Variants in ZBTB40 observed in about 807,000 individuals in gnomAD.
ZBTB40 encodes zinc finger and BTB domain containing 40, also known as zinc finger and BTB domain-containing protein 40.
Under a neutral mutation model 117.5 loss-of-function variants are expected in ZBTB40, and 60 were observed. The observed-to-expected ratio is 0.51, with a 90% CI of 0.41 to 0.63. The LOEUF (loss-of-function observed/expected upper bound fraction) is 0.63, where lower values mean the gene tolerates loss of function less well. Among genes scored for constraint, ZBTB40 ranks in the 30% least tolerant of loss-of-function variants. The probability of loss-of-function intolerance (pLI) is 0.00; values close to 1 mark genes in which losing one functional copy is unlikely to be tolerated. For synonymous variants in ZBTB40, 525 were observed against 577.1 expected, an observed-to-expected ratio of 0.91 and a Z score of 1.29; for missense variants, 1,287 against 1,498.5, an observed-to-expected ratio of 0.86 and a Z score of 2.33.
At chr1:22,510,143 A>G (rs927748344) in intron 9 of ZBTB40, among the ~76,000 whole-genome samples, 3 of 152,212 alleles carry the variant, frequency 2.0e-5, no homozygotes, top group Non-Finnish European at 4.4e-5. Flanking sequence ...CCAGCCCAGG[A>G]TCATTTGCAT....
chr1:22,525,008 A>G (rs1240913032), intron 17 of ZBTB40, among the ~76,000 whole-genome samples: 1 of 152,188 alleles, frequency 6.6e-6, no homozygotes, highest in African/African-American at 2.4e-5. Context: ...AGGTCCATCC[A>G]TCGTCAGTAA....
chr1:22,441,473 C>CTTTTTTTTTTT (rs71020419), intron 1 of ZBTB40, among the ~76,000 whole-genome samples: 5 of 73,726 alleles, frequency 6.8e-5, no homozygotes, highest in Non-Finnish European at 1.2e-4. Flanking sequence ...TATTTGCTTT[C>CTTTTTTTTTTT]TTTTTTTTTT....
At position 22,513,083 on chromosome 1, in the gene ZBTB40, C is replaced by A. The variant is rs755237608; in HGVS notation, c.2621C>A (p.Thr874Asn). Residue 874 changes from threonine to asparagine, a missense_variant, in exon 12 of 18, where the codon ACC (threonine) becomes AAC (asparagine). Transcript: ENST00000375647. The surrounding 1 kb of genome is among the most constrained non-coding windows in gnomAD (Gnocchi z 4.9). ...TGCAAGCACTGCCTCATGACCTTCA[C>A]CCAGGCCTCCGCCCTGGCCTATCAC... ...FMCKHCLMTF[T>N]QASALAYHTK... 1 of 1,614,204 alleles carries A rather than the reference C, an allele frequency of 6.2e-7. No homozygotes were observed. The highest frequency in any genetic ancestry group is 1.1e-5 in the South Asian group (1 of 91,084).
Position 22,489,912 on chromosome 1 carries a change from G to T in ZBTB40, c.-37G>T. The T allele has an allele frequency of 6.3e-7, 1 of 1,597,314 alleles. No individual in the cohort carries two copies. The highest frequency in any genetic ancestry group is 1.1e-5 in the South Asian group (1 of 90,812). ...CCTCCCAAAGCCAACTCTAAGGAGA[G>T]GAGAGGAAGAGCAGTTCTTGGGGCA... On this transcript the variant is annotated 5_prime_UTR_variant, in exon 2 of 18. It adds an upstream start codon to the 5' untranslated region. Coordinates refer to ENST00000375647, the MANE Select transcript of ZBTB40 (RefSeq NM_014870.4).
Position 22,484,737 on chromosome 1 carries a change from C to G in ZBTB40, c.-69-5143C>G, listed in dbSNP as rs188787992. On this transcript the variant is annotated intron_variant, in intron 1 of 17. Coordinates refer to ENST00000375647, the MANE Select transcript of ZBTB40 (RefSeq NM_014870.4). ...CTTGTTTATAATCCCAGCAGGAAGA[C>G]TTTGAGTTTCTCACCATTATGAGTG... Among the ~76,000 whole-genome samples, 489 of 152,288 alleles carry G rather than the reference C, an allele frequency of 3.2e-3. 1 individual carries two copies. The highest frequency in any genetic ancestry group is 4.4e-3 in the Non-Finnish European group (298 of 68,018).
Position 22,507,956 on chromosome 1 carries a change from G to A in ZBTB40, c.1361-45G>A, listed in dbSNP as rs776392144. 21 of 1,613,712 alleles carry A rather than the reference G, an allele frequency of 1.3e-5. No individual in the cohort carries two copies. The South Asian group carries it at 2.2e-4, about 17-fold the overall frequency. On this transcript the variant is annotated intron_variant, in intron 6 of 17. Coordinates refer to ENST00000375647, the MANE Select transcript of ZBTB40 (RefSeq NM_014870.4). ...TAATATCCTGGAGTCTTCTGTAGGA[G>A]GTTTTGTTGCATCAAACATTATTGT...
intron 1 of ZBTB40, among the ~76,000 whole-genome samples, chr1:22,443,825 C>T (rs1404463573): frequency 1.3e-5 from 2 of 152,128 alleles, no homozygotes; most frequent in African/African-American, 4.8e-5. Context: ...AATTTGGTAT[C>T]TTATTGCTAC....
rs1557503492 is a variant in ZBTB40, at chr1:22,491,252, T to C, written c.698-148T>C. 4.1e-5 allele frequency: 32 copies of C among 789,882 alleles called. 1 individual carries two copies. In the South Asian group the frequency reaches 4.8e-4, roughly 12 times the overall value. 48.9% of individuals were successfully genotyped at this position (789,882 alleles called of 1,614,324 possible). On this transcript the variant is annotated intron_variant, in intron 2 of 17. Coordinates refer to ENST00000375647, the MANE Select transcript of ZBTB40 (RefSeq NM_014870.4). ...GCACAAAGGAGGAAGCTGTGAGAGA[T>C]ACTGTTGTCTGTTATTCATAACTGA... is the stretch of plus-strand genomic sequence containing the variant.
intron 13 of ZBTB40, among the ~76,000 whole-genome samples, chr1:22,519,008 A>G (rs1304810308): frequency 1.3e-5 from 2 of 152,150 alleles, no homozygotes; most frequent in Admixed American, 1.3e-4. Flanking sequence ...TCTCTCTCCC[A>G]TTTCTTGCCT....
chr1:22,464,929 C>CA (rs535950016), intron 1 of ZBTB40, among the ~76,000 whole-genome samples: 23 of 152,110 alleles, frequency 1.5e-4, no homozygotes, highest in Non-Finnish European at 2.8e-4. Context: ...GTGTACAATT[C>CA]AAACATCTGT....
At chr1:22,515,380 A>G (rs1435754611) in intron 12 of ZBTB40, among the ~76,000 whole-genome samples, 1 of 152,216 alleles carries the variant, frequency 6.6e-6, no homozygotes, top group African/African-American at 2.4e-5. Flanking sequence ...CTGCTGCTGT[A>G]ACAAATTACC....
chr1:22,507,712 C>T (rs557293583), intron 6 of ZBTB40, among the ~76,000 whole-genome samples: 1 of 152,316 alleles, frequency 6.6e-6, no homozygotes, highest in East Asian at 1.9e-4. Flanking sequence ...ATCTGAGTCT[C>T]TTACAAGTAC....
At chr1:22,478,605 G>A (rs544606501) in intron 1 of ZBTB40, among the ~76,000 whole-genome samples, 33 of 152,262 alleles carry the variant, frequency 2.2e-4, no homozygotes, top group African/African-American at 7.5e-4. Context: ...TCATAGGGTT[G>A]TTGAAAGGAT....
At chr1:22,469,509 T>C (rs1371897915) in intron 1 of ZBTB40, among the ~76,000 whole-genome samples, 3 of 152,128 alleles carry the variant, frequency 2.0e-5, no homozygotes, top group Non-Finnish European at 4.4e-5. Context: ...CTAAATGTTT[T>C]TGAGGTCAAG....
chr1:22,478,231 C>T (rs1255771083), intron 1 of ZBTB40, among the ~76,000 whole-genome samples: 1 of 152,046 alleles, frequency 6.6e-6, no homozygotes, highest in Admixed American at 6.6e-5. Flanking sequence ...TGTAACCTCT[C>T]TGTGCTATAA....
chr1:22,525,549 A>G (rs1639653455), intron 17 of ZBTB40, among the ~76,000 whole-genome samples: 1 of 152,234 alleles, frequency 6.6e-6, no homozygotes, highest in Non-Finnish European at 1.5e-5. Flanking sequence ...GGATATGCCT[A>G]ACCACAGACT....
chr1:22,478,538 G>A (rs1641607304), intron 1 of ZBTB40, among the ~76,000 whole-genome samples: 1 of 152,144 alleles, frequency 6.6e-6, no homozygotes, highest in South Asian at 2.1e-4. Context: ...GAGCCACCGT[G>A]CCCGGCTCTG....
In ZBTB40 at chr1:22,502,252, C is replaced by T. The variant is rs758273928; in HGVS notation, c.1025-47C>T. The T allele has an allele frequency of 2.5e-6, 4 of 1,589,178 alleles. No individual in the cohort carries two copies. In the Admixed American group the frequency reaches 7.1e-5, roughly 28 times the overall value. ...TGACAAACCATGCTGTCATTTTCTTCAAATTGACTAGCTTCTCTTGTGTGT... is the reference window on the plus strand; with the variant it reads ...TGACAAACCATGCTGTCATTTTCTTTAAATTGACTAGCTTCTCTTGTGTGT... On this transcript the variant is annotated intron_variant, in intron 4 of 17. Coordinates refer to ENST00000375647, the MANE Select transcript of ZBTB40 (RefSeq NM_014870.4).
At position 22,526,828 on chromosome 1, in the gene ZBTB40, G is replaced by T. The variant is rs183955243; in HGVS notation, c.*432G>T. ...GCCCACAGTGGGGGCTGCAAATGCT[G>T]CCACTGCCTCTGGCCATTTAAAGTG... On this transcript the variant is annotated 3_prime_UTR_variant, in exon 18 of 18. Coordinates refer to ENST00000375647, the MANE Select transcript of ZBTB40 (RefSeq NM_014870.4). 3.5e-6 allele frequency: 1 copy of T among 282,720 alleles called. No homozygotes were observed. Among genetic ancestry groups the T allele is most frequent in the Admixed American group, 4.7e-5 (1 of 21,070 alleles). The allele number at this position is 282,720 out of a possible 1,614,324, so 17.5% of individuals were successfully genotyped here.
Sources: gnomAD v4.1 joint callset for allele counts (sites outside exome capture counted in the v4.1 genomes callset) on GRCh38, gnomAD v4.1.1 for gene constraint, Gnocchi (gnomAD v3.1) non-coding constraint, MANE v1.5 for transcripts, NCBI Gene and HGNC (gene_info 2026-07-23, HGNC 2026-07-21) for gene names.